EEF2: variants seen among roughly 807,000 people sequenced by gnomAD.
EEF2 encodes the protein eukaryotic translation elongation factor 2, also known as elongation factor 2.
In EEF2, 21 loss-of-function variants were observed where a neutral mutation model predicts 85.3. The ratio of observed to expected loss-of-function variants is 0.25; its 90% CI spans 0.17 to 0.35. EEF2 has a LOEUF of 0.35. Among genes scored for constraint, EEF2 ranks in the 10% least tolerant of loss-of-function variants. EEF2 has a pLI of 1.00. For missense variants in EEF2, 825 were observed against 1,225.3 expected (o/e 0.67, Z 4.88); for synonymous variants, 723 against 508.8 (o/e 1.42, Z -5.67).
Position 3,976,287 on chromosome 19 carries a change from G to C in EEF2, c.*267C>G, listed in dbSNP as rs1229195544. On this transcript the variant is annotated 3_prime_UTR_variant, in exon 15 of 15. Coordinates refer to ENST00000309311, the MANE Select transcript of EEF2 (RefSeq NM_001961.4). ...TCTGAAGAAATGGAAAAAGTGTTGGGTGTCCCATCCCGCCTCCCCCTCCCC... is the reference window on the plus strand; with the variant it reads ...TCTGAAGAAATGGAAAAAGTGTTGGCTGTCCCATCCCGCCTCCCCCTCCCC... 2.3e-6 allele frequency: 1 copy of C among 436,726 alleles called. No individual in the cohort carries two copies. Among genetic ancestry groups the C allele is most frequent in the Non-Finnish European group, 4.1e-6 (1 of 243,506 alleles). 27.1% of individuals were successfully genotyped at this position (436,726 alleles called of 1,614,324 possible).
intron 7 of EEF2, among the ~76,000 whole-genome samples, 162 bp from the exon 8 acceptor site, chr19:3,981,141 C>A (rs1188931359): frequency 1.3e-5 from 2 of 152,250 alleles, no homozygotes; most frequent in Non-Finnish European, 2.9e-5. Flanking sequence ...ACACTCCTGC[C>A]AAGGCCCTCA....
Position 3,976,318 on chromosome 19 carries a change from G to A in EEF2, c.*236C>T, listed in dbSNP as rs2039679305. On this transcript the variant is annotated 3_prime_UTR_variant, in exon 15 of 15. Coordinates refer to ENST00000309311, the MANE Select transcript of EEF2 (RefSeq NM_001961.4). Reference sequence around the variant, plus strand: ...CATCCCGCCTCCCCCTCCCCGACCGGCCCATTAAGTCCCTACTAAGAGGGC... The same window carrying A: ...CATCCCGCCTCCCCCTCCCCGACCGACCCATTAAGTCCCTACTAAGAGGGC... 1 of 318,106 alleles carries A rather than the reference G, an allele frequency of 3.1e-6. No homozygotes were observed. The highest frequency in any genetic ancestry group is 5.9e-6 in the Non-Finnish European group (1 of 168,350). The allele number at this position is 318,106 out of a possible 1,614,324, so 19.7% of individuals were successfully genotyped here.
chr19:3,983,267 G>C lies in EEF2; in HGVS notation c.243C>G (p.Leu81=), dbSNP rs570626608. The stretch of plus-strand genomic sequence containing the variant: ...TGATGAAGTTCAAGTCATTCTCCGA[G>C]AGCTCGTAGAAGAGGGAGATGGCAC... The part of the protein sequence containing the change: ...KSTAISLFYE[L]SENDLNFIKQ... The change falls in exon 3 of 15, where the codon CTC becomes CTG. Residue 81 remains leucine (L), a synonymous_variant. Transcript: ENST00000309311. 1.1e-4 allele frequency: 181 copies of C among 1,613,784 alleles called. 2 individuals carry two copies. The South Asian group carries it at 1.9e-3, about 17-fold the overall frequency.
At chr19:3,983,947 C>T (rs1364791352) in intron 2 of EEF2, 189 bp downstream of exon 2, 2 of 641,256 alleles carry the variant, frequency 3.1e-6, no homozygotes, top group Non-Finnish European at 5.3e-6. Context: ...CCTTCCAGCT[C>T]GCAGTACCCC....
In EEF2 at chr19:3,976,585, G is replaced by A. The variant is rs1210819605; in HGVS notation, c.2546C>T (p.Pro849Leu). The A allele has an allele frequency of 1.2e-6, 2 of 1,610,232 alleles. No individual in the cohort carries two copies. Among genetic ancestry groups the A allele is most frequent in the Non-Finnish European group, 1.7e-6 (2 of 1,178,506 alleles). ...RKRKGLKEGIPALDNFLDKL is the reference protein window; with the variant it reads ...RKRKGLKEGILALDNFLDKL ...TTTGTCCAGGAAGTTGTCCAGGGCA[G>A]GGATGCCTTCTTTCAGGCCCTTGCG... The change falls in exon 15 of 15, where the codon CCT becomes CTT. Residue 849 changes from proline to leucine, a missense_variant. Coordinates refer to ENST00000309311, the MANE Select transcript of EEF2 (RefSeq NM_001961.4).
chr19:3,983,028 CG>C lies in EEF2; in HGVS notation c.401-11del. ...GTCTGCACGCACACGCCTGGGGACA[CG>C]GGGGACAGGGCGGCGCTGTCATCCT... On this transcript the variant is annotated splice_polypyrimidine_tract_variant and intron_variant, in intron 3 of 14. Coordinates refer to ENST00000309311, the MANE Select transcript of EEF2 (RefSeq NM_001961.4). The C allele has an allele frequency of 6.2e-7, 1 of 1,612,774 alleles. No homozygotes were observed. The highest frequency in any genetic ancestry group is 8.5e-7 in the Non-Finnish European group (1 of 1,179,804).
At position 3,980,007 on chromosome 19, in the gene EEF2, A is replaced by G. The variant is rs1258066940; in HGVS notation, c.1406T>C (p.Ile469Thr). ...EPIEDVPCGN[I>T]VGLVGVDQFL... ...CTGGTCCACGCCCACGAGGCCCACA[A>G]TGTTCCCACAAGGCACATCCTCGAT... Residue 469 changes from isoleucine to threonine, a missense_variant, in exon 10 of 15, where the codon ATT becomes ACT. By Grantham distance (89) the Ile-to-Thr change is moderately conservative. Transcript: ENST00000309311. 2 of 1,613,668 alleles carry G rather than the reference A, an allele frequency of 1.2e-6. No individual in the cohort carries two copies. Among genetic ancestry groups the G allele is most frequent in the Non-Finnish European group, 8.5e-7 (1 of 1,180,026 alleles).
In EEF2 at chr19:3,978,044, G is replaced by A. The variant is rs770242626; in HGVS notation, c.1842C>T (p.Ala614=). Residue 614 remains alanine (A), a synonymous_variant, in exon 12 of 15, where the codon GCC becomes GCT. Coordinates refer to ENST00000309311, the MANE Select transcript of EEF2 (RefSeq NM_001961.4). ...MKARPFPDGL[A]EDIDKGEVSA... is the part of the protein sequence containing the mutation. ...ACACCTCGCCTTTATCGATGTCCTC[G>A]GCCAGGCCGTCGGGGAAGGGCCGCG... is the stretch of plus-strand genomic sequence containing the variant. 38 of 1,597,712 alleles carry A rather than the reference G, an allele frequency of 2.4e-5. No homozygotes were observed. Among genetic ancestry groups the A allele is most frequent in the Middle Eastern group, 3.3e-4 (2 of 6,046 alleles).
Position 3,981,445 on chromosome 19 carries a change from T to C in EEF2, c.905A>G (p.Asp302Gly), listed in dbSNP as rs1292653320. 1 of 1,613,630 alleles carries C rather than the reference T, an allele frequency of 6.2e-7. No homozygotes were observed. Among genetic ancestry groups the C allele is most frequent in the Admixed American group, 1.7e-5 (1 of 59,992 alleles). Residue 302 changes from aspartate to glycine, a missense_variant, in exon 7 of 15, where the codon GAT becomes GGT. Physicochemically the swap from Asp to Gly is moderately conservative, Grantham distance 94. Coordinates refer to ENST00000309311, the MANE Select transcript of EEF2 (RefSeq NM_001961.4). The stretch of plus-strand genomic sequence containing the variant: ...CTCTTTCTTGAAATTCATGATCGCA[T>C]CAAACACCTACATTCCCCACCAAGA... ...LILDPIFKVFDAIMNFKKEET... is the reference protein window; with the variant it reads ...LILDPIFKVFGAIMNFKKEET...
intron 9 of EEF2, 92 bp from the exon 10 acceptor site, chr19:3,980,158 T>A: frequency 6.6e-7 from 1 of 1,511,140 alleles, no homozygotes; most frequent in South Asian, 1.3e-5. Context: ...TTGGTGGCCC[T>A]CCTGCCAGGT....
At position 3,976,478 on chromosome 19, in the gene EEF2, T is replaced by A; in HGVS notation, c.*76A>T. 6.6e-7 allele frequency: 1 copy of A among 1,509,438 alleles called. No homozygotes were observed. Among genetic ancestry groups the A allele is most frequent in the Non-Finnish European group, 8.9e-7 (1 of 1,119,860 alleles). The allele number at this position is 1,509,438 out of a possible 1,614,324, so 93.5% of individuals were successfully genotyped here. A position where few individuals can be genotyped will look rare whatever the true frequency, so the allele number is the denominator to read the frequency against. Reference sequence around the variant, plus strand: ...GCTGTGTCGGGACAGTCTCCAGGTGTCGTCTGAGAATTCGAGGACGTGGTG... The same window carrying A: ...GCTGTGTCGGGACAGTCTCCAGGTGACGTCTGAGAATTCGAGGACGTGGTG... On this transcript the variant is annotated 3_prime_UTR_variant, in exon 15 of 15. Transcript: ENST00000309311.
rs1271903616 is a variant in EEF2, at chr19:3,977,635, C to G, written c.2068-25G>C. The G allele has an allele frequency of 4.7e-6, 7 of 1,500,550 alleles. No homozygotes were observed. Among genetic ancestry groups the G allele is most frequent in the Non-Finnish European group, 6.2e-6 (7 of 1,129,492 alleles). 93.0% of individuals were successfully genotyped at this position (1,500,550 alleles called of 1,614,324 possible). On this transcript the variant is annotated intron_variant, in intron 12 of 14. Transcript: ENST00000309311. This position sits in a 1 kb window ranked among gnomAD's most constrained non-coding sequence, Gnocchi z 5.4. ...CCTGGGGGAGGGGGAGAGCCACCGT[C>G]AAGGGCCGGACACACCTCGGCTGCT... is the stretch of plus-strand genomic sequence containing the variant.
At chr19:3,980,116 C>T in intron 9 of EEF2, 50 bp from the exon 10 acceptor site, 1 of 1,581,078 alleles carries the variant, frequency 6.3e-7, no homozygotes, top group Non-Finnish European at 8.6e-7. Context: ...TTGTGCTGGA[C>T]CCTGGAGGGC....
chr19:3,982,727 C>T (rs562914208), intron 4 of EEF2, 80 bp downstream of exon 4: 4 of 1,466,714 alleles, frequency 2.7e-6, no homozygotes, highest in African/African-American at 2.8e-5. Flanking sequence ...TTCCAGTCCC[C>T]CTCAGCTCAA....
intron 6 of EEF2, 71 bp from the exon 7 acceptor site, chr19:3,981,523 C>G: frequency 7.0e-7 from 1 of 1,431,988 alleles, no homozygotes; most frequent in Non-Finnish European, 9.8e-7. Flanking sequence ...CTGCTTCCTG[C>G]TTGGAAGACT....
chr19:3,982,626 C>A lies in EEF2; in HGVS notation c.612+181G>T, dbSNP rs986515660. Reference sequence around the variant, plus strand: ...GCAGCGTTCCCTGAGCTCGTCTCTTCCAGCTGCCCAAAGATCAAGGGCTGG... The same window carrying A: ...GCAGCGTTCCCTGAGCTCGTCTCTTACAGCTGCCCAAAGATCAAGGGCTGG... On this transcript the variant is annotated intron_variant, in intron 4 of 14. Transcript: ENST00000309311. The A allele has an allele frequency of 3.8e-6, 4 of 1,063,684 alleles. No homozygotes were observed. The African/African-American group carries it at 6.2e-5, about 17-fold the overall frequency. 65.9% of individuals were successfully genotyped at this position (1,063,684 alleles called of 1,614,324 possible).
rs2039808295 is a variant in EEF2, at chr19:3,985,418, A to G, written c.-38T>C. The G allele has an allele frequency of 1.3e-6, 2 of 1,481,932 alleles. No individual in the cohort carries two copies. Among genetic ancestry groups the G allele is most frequent in the East Asian group, 2.7e-5 (1 of 36,696 alleles). 91.8% of individuals were successfully genotyped at this position (1,481,932 alleles called of 1,614,324 possible). ...CGGTGGATTCTCCCAGGTAGAACCG[A>G]AAGAAGCGAGTCGCGCCGAGGATGG... On this transcript the variant is annotated 5_prime_UTR_variant, in exon 1 of 15. Coordinates refer to ENST00000309311, the MANE Select transcript of EEF2 (RefSeq NM_001961.4).
At chr19:3,985,211 G>A (rs981639359) in intron 1 of EEF2, 167 bp downstream of exon 1, 1 of 691,074 alleles carries the variant, frequency 1.4e-6, no homozygotes. Flanking sequence ...TGAACAGCGC[G>A]GCGCACAGAC....
Position 3,981,895 on chromosome 19 carries a change from G to C in EEF2, c.897+52C>G, listed in dbSNP as rs544922731. ...CAGGCTACCGGCCGGAGCCCACAGGGCCGAGGGCCAATAGTCGCATCGGCG... is the reference window on the plus strand; with the variant it reads ...CAGGCTACCGGCCGGAGCCCACAGGCCCGAGGGCCAATAGTCGCATCGGCG... On this transcript the variant is annotated intron_variant, in intron 6 of 14. Coordinates refer to ENST00000309311, the MANE Select transcript of EEF2 (RefSeq NM_001961.4). The C allele has an allele frequency of 4.8e-5, 75 of 1,563,096 alleles. 1 individual carries two copies. In the East Asian group the frequency reaches 1.5e-3, roughly 32 times the overall value.
Sources: allele counts gnomAD v4.1 joint callset (sites outside exome capture counted in the v4.1 genomes callset), GRCh38; gene constraint gnomAD v4.1.1; non-coding constraint Gnocchi (gnomAD v3.1); transcripts MANE v1.5; gene names NCBI Gene and HGNC (gene_info 2026-07-23, HGNC 2026-07-21).